ADAM22: variants seen among roughly 807,000 people sequenced by gnomAD.
The protein encoded by ADAM22 is disintegrin and metalloproteinase domain-containing protein 22.
ADAM22 carries 65 observed loss-of-function variants against 144.6 expected under a neutral mutation model. The observed-to-expected ratio is 0.45, with a 90% CI of 0.37 to 0.55. The LOEUF (loss-of-function observed/expected upper bound fraction) is 0.55, where lower values mean the gene tolerates loss of function less well. ADAM22 is among the 20% of genes least tolerant of loss of function. ADAM22 has a pLI of 0.00. For synonymous variants in ADAM22, 391 were observed against 412.6 expected (o/e 0.95, Z 0.63); for missense variants, 974 against 1,184.9 (o/e 0.82, Z 2.61).
At chr7:88,114,494 T>TG in intron 5 of ADAM22, 90 bp from the exon 6 acceptor site, 1 of 1,204,528 alleles carries the variant, frequency 8.3e-7, no homozygotes, top group Non-Finnish European at 1.2e-6. Flanking sequence ...GAGAAGCAAA[T>TG]GGGCCCTCTG....
At chr7:88,154,277 C>T (rs144738239) in intron 21 of ADAM22, among the ~76,000 whole-genome samples, 30 of 152,300 alleles carry the variant, frequency 2.0e-4, no homozygotes, top group African/African-American at 6.7e-4. Flanking sequence ...CTTGGCACTG[C>T]ACCTATTCAA....
intron 4 of ADAM22, among the ~76,000 whole-genome samples, chr7:88,095,140 C>T (rs1820907653): frequency 6.6e-6 from 1 of 152,190 alleles, no homozygotes; most frequent in African/African-American, 2.4e-5. Flanking sequence ...CCCATTCTTA[C>T]TGCTAGTTTC....
Position 88,197,799 on chromosome 7 carries a change from G to C in ADAM22, c.*1308G>C, listed in dbSNP as rs1266587323. On this transcript the variant is annotated 3_prime_UTR_variant, in exon 32 of 32. Transcript: ENST00000413139. The stretch of plus-strand genomic sequence containing the variant: ...GACGGAAGATTCTACTGTTTGAGTT[G>C]AGCAGCTTCAACCATTCATAAAGGG... 6.6e-6 allele frequency: 1 copy of C among 152,174 alleles called. No homozygotes were observed. The highest frequency in any genetic ancestry group is 1.5e-5 in the Non-Finnish European group (1 of 68,044). 9.4% of individuals were successfully genotyped at this position (152,174 alleles called of 1,614,324 possible).
Position 88,202,107 on chromosome 7 carries a change from G to A in ADAM22, c.*5616G>A, listed in dbSNP as rs1278765524. On this transcript the variant is annotated 3_prime_UTR_variant, in exon 32 of 32. Transcript: ENST00000413139. ...AAATTATATATGTGTATCACTGCCT[G>A]ACTAGAAACCCCACTTTTCTTTTCT... 6.6e-6 allele frequency: 1 copy of A among 152,146 alleles called. No individual in the cohort carries two copies. The highest frequency in any genetic ancestry group is 1.5e-5 in the Non-Finnish European group (1 of 68,024). 9.4% of individuals were successfully genotyped at this position (152,146 alleles called of 1,614,324 possible). A position where few individuals can be genotyped will look rare whatever the true frequency, so the allele number is the denominator to read the frequency against.
intron 3 of ADAM22, among the ~76,000 whole-genome samples, chr7:88,009,744 T>G (rs1481639983): frequency 6.6e-6 from 1 of 152,216 alleles, no homozygotes; most frequent in Non-Finnish European, 1.5e-5. Context: ...GCTTCTATTT[T>G]AAACCTTTTA....
intron 3 of ADAM22, among the ~76,000 whole-genome samples, chr7:88,060,700 G>C (rs1381031753): frequency 6.7e-6 from 1 of 148,910 alleles, no homozygotes; most frequent in Admixed American, 6.7e-5. Flanking sequence ...CTGGGAGGCA[G>C]ACCTTGCAGT....
chr7:88,062,560 G>A (rs903934154), intron 3 of ADAM22, among the ~76,000 whole-genome samples: 1 of 152,126 alleles, frequency 6.6e-6, no homozygotes, highest in African/African-American at 2.4e-5. Flanking sequence ...CAGCAATAAG[G>A]CTGTTTTGCT....
intron 2 of ADAM22, among the ~76,000 whole-genome samples, chr7:87,976,960 G>A (rs934260776): frequency 6.6e-6 from 1 of 151,624 alleles, no homozygotes; most frequent in African/African-American, 2.4e-5. Flanking sequence ...GGGATATGAT[G>A]TATGGCAGAG....
chr7:88,156,050 C>A, intron 22 of ADAM22, 44 bp downstream of exon 22: 1 of 1,604,164 alleles, frequency 6.2e-7, no homozygotes, highest in East Asian at 2.2e-5. Context: ...CATCTTATTT[C>A]TCAGGAATGC....
intron 3 of ADAM22, 48 bp from the exon 4 acceptor site, chr7:88,075,578 T>C: frequency 6.5e-7 from 1 of 1,550,188 alleles, no homozygotes; most frequent in Non-Finnish European, 8.9e-7. Context: ...TTTCGTGTTT[T>C]ACATTTTTGG....
At chr7:88,078,549 G>A (rs569427369) in intron 4 of ADAM22, among the ~76,000 whole-genome samples, 2 of 152,322 alleles carry the variant, frequency 1.3e-5, no homozygotes, top group South Asian at 2.1e-4. Flanking sequence ...AAACTACTCC[G>A]AGCTAAAGGA....
At chr7:87,963,286 G>C (rs1848368160) in intron 2 of ADAM22, among the ~76,000 whole-genome samples, 1 of 152,164 alleles carries the variant, frequency 6.6e-6, no homozygotes, top group Non-Finnish European at 1.5e-5. Context: ...CCAGGAGGCA[G>C]CTTCCCAGAA....
At chr7:88,049,575 T>C (rs1160179304) in intron 3 of ADAM22, among the ~76,000 whole-genome samples, 1 of 152,168 alleles carries the variant, frequency 6.6e-6, no homozygotes, top group African/African-American at 2.4e-5. Context: ...ATTTTGCATT[T>C]TTAGTAGAGA....
At chr7:88,117,347 A>G (rs1289891574) in intron 7 of ADAM22, among the ~76,000 whole-genome samples, 1 of 152,266 alleles carries the variant, frequency 6.6e-6, no homozygotes, top group Non-Finnish European at 1.5e-5. Flanking sequence ...TTACTATAAT[A>G]AGTTAGAAGA....
chr7:88,095,821 G>A (rs190082025), intron 4 of ADAM22, among the ~76,000 whole-genome samples: 1 of 152,142 alleles, frequency 6.6e-6, no homozygotes, highest in East Asian at 1.9e-4. Flanking sequence ...TCTACTAATT[G>A]TGTATCAGCA....
intron 3 of ADAM22, among the ~76,000 whole-genome samples, chr7:88,052,021 G>A (rs1806558832): frequency 6.6e-6 from 1 of 152,106 alleles, no homozygotes; most frequent in African/African-American, 2.4e-5. Flanking sequence ...AAAGCTGTTT[G>A]CTAATTGAAT....
At chr7:87,983,434 G>T (rs530601778) in intron 3 of ADAM22, among the ~76,000 whole-genome samples, 1 of 152,142 alleles carries the variant, frequency 6.6e-6, no homozygotes, top group South Asian at 2.1e-4. Flanking sequence ...GCTACTGTGG[G>T]TGTAATATTT....
chr7:88,173,861 G>A (rs1844962977), intron 26 of ADAM22, among the ~76,000 whole-genome samples: 1 of 152,084 alleles, frequency 6.6e-6, no homozygotes, highest in South Asian at 2.1e-4. Context: ...TTAGCATGTG[G>A]TCTTGGAAGA....
At chr7:88,127,012 A>G (rs1038852460) in intron 8 of ADAM22, among the ~76,000 whole-genome samples, 1 of 151,832 alleles carries the variant, frequency 6.6e-6, no homozygotes, top group African/African-American at 2.4e-5. Flanking sequence ...TCTCAGACCC[A>G]TGTGTTCCAT....
Sources: gnomAD v4.1 joint callset for allele counts (sites outside exome capture counted in the v4.1 genomes callset) on GRCh38, gnomAD v4.1.1 for gene constraint, MANE v1.5 for transcripts, NCBI Gene and HGNC (gene_info 2026-07-23, HGNC 2026-07-21) for gene names.